The following DYM variants were observed in gnomAD, a reference collection of about 807,000 sequenced individuals.
DYM encodes the protein dymeclin.
DYM carries 78 observed loss-of-function variants against 93.1 expected under a neutral mutation model. That is an observed-to-expected ratio of 0.84 (90% confidence interval 0.70 to 1.01). The LOEUF is 1.01. DYM is among the 50% of genes least tolerant of loss of function. The probability of loss-of-function intolerance (pLI) is 0.00; values close to 1 mark genes in which losing one functional copy is unlikely to be tolerated. For missense variants in DYM, 789 were observed against 845.0 expected (o/e 0.93, Z 0.82); for synonymous variants, 321 against 319.7 (o/e 1.00, Z -0.04).
chr18:49,082,460 A>G (rs72921674), intron 17 of DYM, among the ~76,000 whole-genome samples: 10,634 of 152,314 alleles, frequency 0.07, 498 homozygotes, highest in Non-Finnish European at 0.1. Flanking sequence ...ACCACACTGC[A>G]TTATTTTATT....
At chr18:49,205,648 T>C (rs995379832) in intron 14 of DYM, among the ~76,000 whole-genome samples, 1 of 152,114 alleles carries the variant, frequency 6.6e-6, no homozygotes, top group East Asian at 1.9e-4. Flanking sequence ...ATGGTTTAAG[T>C]GGCCAAGGTA....
chr18:49,278,419 T>C (rs1305338605), intron 10 of DYM, among the ~76,000 whole-genome samples: 1 of 151,934 alleles, frequency 6.6e-6, no homozygotes, highest in Non-Finnish European at 1.5e-5. Flanking sequence ...ATTAAAAGAG[T>C]GACTAACTCA....
At chr18:49,071,831 A>G (rs539807537) in intron 17 of DYM, among the ~76,000 whole-genome samples, 1 of 152,370 alleles carries the variant, frequency 6.6e-6, no homozygotes, top group South Asian at 2.1e-4. Flanking sequence ...TAAGACTACA[A>G]AGGATCCCAT....
chr18:49,100,913 T>C (rs931197755), intron 16 of DYM, among the ~76,000 whole-genome samples: 1 of 152,196 alleles, frequency 6.6e-6, no homozygotes, highest in Non-Finnish European at 1.5e-5. Context: ...AAATGGAGCA[T>C]TAGCTTAGTT....
At chr18:49,137,565 A>G (rs1489624847) in intron 15 of DYM, among the ~76,000 whole-genome samples, 1 of 152,232 alleles carries the variant, frequency 6.6e-6, no homozygotes, top group Non-Finnish European at 1.5e-5. Context: ...AAACCCTGCC[A>G]TCCCCTAATT....
At chr18:49,335,079 C>A (rs1299022328) in intron 6 of DYM, among the ~76,000 whole-genome samples, 3 of 152,040 alleles carry the variant, frequency 2.0e-5, no homozygotes, top group Admixed American at 6.6e-5. Flanking sequence ...TGCACTCCAG[C>A]CTTGGCGATA....
chr18:49,253,016 T>G (rs1387430062), intron 13 of DYM, among the ~76,000 whole-genome samples: 1 of 152,188 alleles, frequency 6.6e-6, no homozygotes, highest in Non-Finnish European at 1.5e-5. Context: ...GGTCATTAAG[T>G]ATGAGCAACA....
chr18:49,365,395 G>A (rs577433194), intron 5 of DYM, among the ~76,000 whole-genome samples: 45 of 151,986 alleles, frequency 3.0e-4, no homozygotes, highest in Admixed American at 8.5e-4. Context: ...AAGAAACATC[G>A]GGCTTGGCTC....
rs139311311 is a variant in DYM, at chr18:49,267,426, A to G, written c.1251+4752T>C. On this transcript the variant is annotated intron_variant, in intron 11 of 17. Coordinates refer to ENST00000675505, the MANE Select transcript of DYM (RefSeq NM_001353214.3). The stretch of plus-strand genomic sequence containing the variant: ...TAAATAATCACTATAATTCTCAATA[A>G]CCAGTATAATTCACATTAACAAACT... Among the ~76,000 whole-genome samples the G allele has an allele frequency of 2.0e-3, 310 of 152,326 alleles. 1 individual carries two copies. The highest frequency in any genetic ancestry group is 7.3e-3 in the African/African-American group (302 of 41,566).
chr18:49,297,025 G>C (rs979607927), intron 8 of DYM, among the ~76,000 whole-genome samples: 9 of 152,090 alleles, frequency 5.9e-5, no homozygotes, highest in Non-Finnish European at 1.3e-4. Flanking sequence ...ACTTACTGAA[G>C]GATGTTTTTA....
At chr18:49,098,533 A>G (rs530931631) in intron 16 of DYM, among the ~76,000 whole-genome samples, 5 of 152,356 alleles carry the variant, frequency 3.3e-5, no homozygotes, top group Non-Finnish European at 7.3e-5. Context: ...ACAGCCATTA[A>G]CAAGCATGTG....
Position 49,379,744 on chromosome 18 carries a change from G to C in DYM, c.208C>G (p.Arg70Gly). The change falls in exon 4 of 18, where the codon CGA (arginine) becomes GGA (glycine). Residue 70 changes from arginine (R) to glycine (G), a missense_variant. Physicochemically the swap from Arg to Gly is moderately radical, Grantham distance 125. This residue lies in a region of DYM where 450 missense variants were observed against 436.2 expected (regional missense o/e 1.03). Transcript: ENST00000675505. ...ATTAGTGCACCAAGATTTCCTGTTCGAGGATTGTTTTCAACTGCAAGAGAA... is the reference window on the plus strand; with the variant it reads ...ATTAGTGCACCAAGATTTCCTGTTCCAGGATTGTTTTCAACTGCAAGAGAA... Reference protein sequence around the residue: ...VCRSLVENNPRTGNLGALIKV... With the variant: ...VCRSLVENNPGTGNLGALIKV... 1 of 1,612,890 alleles carries C rather than the reference G, an allele frequency of 6.2e-7. No individual in the cohort carries two copies.
At chr18:49,368,957 G>A (rs567862766) in intron 5 of DYM, among the ~76,000 whole-genome samples, 1 of 152,338 alleles carries the variant, frequency 6.6e-6, no homozygotes, top group Non-Finnish European at 1.5e-5. Context: ...TGCCTTCACT[G>A]TTTGGAATCC....
At chr18:49,360,403 TCA>T (rs1383266664) in intron 6 of DYM, among the ~76,000 whole-genome samples, 2 of 151,908 alleles carry the variant, frequency 1.3e-5, no homozygotes, top group Non-Finnish European at 2.9e-5. Flanking sequence ...GGCGGGCAGA[TCA>T]CAGGTCAGGA....
chr18:49,304,360 C>T (rs2061145493), intron 8 of DYM, among the ~76,000 whole-genome samples: 1 of 152,210 alleles, frequency 6.6e-6, no homozygotes, highest in East Asian at 1.9e-4. Context: ...TCATTACCTA[C>T]CTTCCCCTAA....
At chr18:49,425,637 T>C (rs1194294853) in intron 2 of DYM, among the ~76,000 whole-genome samples, 1 of 152,102 alleles carries the variant, frequency 6.6e-6, no homozygotes, top group South Asian at 2.1e-4. Context: ...ATTTTTGCAA[T>C]CTACCCATCT....
chr18:49,056,942 A>C (rs1222333138), intron 17 of DYM, among the ~76,000 whole-genome samples: 1 of 152,192 alleles, frequency 6.6e-6, no homozygotes, highest in Non-Finnish European at 1.5e-5. Flanking sequence ...TCTGTTGCCC[A>C]TCTCAGCCTC....
intron 6 of DYM, among the ~76,000 whole-genome samples, chr18:49,342,622 TA>T (rs1241238773): frequency 1.3e-5 from 2 of 152,192 alleles, no homozygotes; most frequent in Non-Finnish European, 2.9e-5. Context: ...GTGAGGATAA[TA>T]AAAATATAGT....
intron 2 of DYM, among the ~76,000 whole-genome samples, chr18:49,392,757 A>G (rs1599873486): frequency 7.2e-6 from 1 of 139,682 alleles, no homozygotes; most frequent in South Asian, 2.4e-4. Flanking sequence ...GCACTTTGGG[A>G]GGCTGAGGAG....
Sources: gnomAD v4.1 joint callset for allele counts (sites outside exome capture counted in the v4.1 genomes callset) on GRCh38, gnomAD v4.1.1 for gene constraint, gnomAD v4.1.1 regional missense constraint, MANE v1.5 for transcripts, NCBI Gene and HGNC (gene_info 2026-07-23, HGNC 2026-07-21) for gene names.